Variants in GFRAL observed in about 807,000 individuals in gnomAD.
GFRAL encodes GDNF family receptor alpha like.
GFRAL carries 36 observed loss-of-function variants against 45.4 expected under a neutral mutation model. The ratio of observed to expected loss-of-function variants is 0.79; its 90% confidence interval spans 0.61 to 1.05. The LOEUF (loss-of-function observed/expected upper bound fraction) is 1.05, where lower values mean the gene tolerates loss of function less well. Ranked by LOEUF, GFRAL falls within the 50% of genes least tolerant of loss-of-function variation. The pLI, the probability that GFRAL is intolerant of heterozygous loss-of-function variation, is 0.00. For missense variants in GFRAL, 507 were observed against 467.5 expected (o/e 1.08, Z -0.78); for synonymous variants, 166 against 154.1 (o/e 1.08, Z -0.57).
At chr6:55,367,455 T>C in intron 6 of GFRAL, among the ~76,000 whole-genome samples, 1 of 145,540 alleles carries the variant, frequency 6.9e-6, no homozygotes, top group South Asian at 2.2e-4. Flanking sequence ...AAAGTTAATA[T>C]TGTTATGTGT....
chr6:55,358,553 G>A lies in GFRAL; in HGVS notation c.702-335G>A, dbSNP rs540844235. ...AAAGGCTAGCCACAAAACTATATTT[G>A]GAATAAAAAATTGCCAATAAATCTC... On this transcript the variant is annotated intron_variant, in intron 5 of 8. Coordinates refer to ENST00000340465, the MANE Select transcript of GFRAL (RefSeq NM_207410.2). 1.9e-3 allele frequency among the ~76,000 whole-genome samples: 294 copies of A among 151,824 alleles called. 1 individual carries two copies. Among genetic ancestry groups the A allele is most frequent in the African/African-American group, 6.3e-3 (263 of 41,466 alleles).
intron 6 of GFRAL, among the ~76,000 whole-genome samples, chr6:55,384,863 C>A (rs375308821): frequency 1.0e-3 from 147 of 140,372 alleles, no homozygotes; most frequent in South Asian, 1.4e-3. Flanking sequence ...CAAAAAGCAG[C>A]AAAAAAAAAA....
At chr6:55,395,162 G>GA (rs869161118) in intron 6 of GFRAL, among the ~76,000 whole-genome samples, 3,860 of 125,104 alleles carry the variant, frequency 0.031, 166 homozygotes, top group African/African-American at 0.084. Context: ...TCAGCCTATG[G>GA]AAAAAAAAAA....
At chr6:55,339,391 C>T (rs1022541302) in intron 3 of GFRAL, among the ~76,000 whole-genome samples, 18 of 152,132 alleles carry the variant, frequency 1.2e-4, no homozygotes, top group African/African-American at 4.1e-4. Context: ...GAGCATGCCT[C>T]ATCAAGCTGG....
intron 6 of GFRAL, among the ~76,000 whole-genome samples, chr6:55,362,396 A>G (rs1417548692): frequency 6.6e-6 from 1 of 152,040 alleles, no homozygotes. Flanking sequence ...AGCTTGGAAA[A>G]TGCACTGAAG....
intron 6 of GFRAL, among the ~76,000 whole-genome samples, chr6:55,383,533 G>C (rs1309994123): frequency 6.6e-6 from 1 of 151,946 alleles, no homozygotes; most frequent in Non-Finnish European, 1.5e-5. Flanking sequence ...TCAGTAACAT[G>C]CTGTACGGGT....
chr6:55,371,903 A>G (rs1481539829), intron 6 of GFRAL, among the ~76,000 whole-genome samples: 1 of 152,150 alleles, frequency 6.6e-6, no homozygotes, highest in East Asian at 1.9e-4. Flanking sequence ...TTCCCCTTTC[A>G]CAGACAAATT....
At chr6:55,354,463 A>G (rs977989039) in intron 5 of GFRAL, among the ~76,000 whole-genome samples, 1 of 151,960 alleles carries the variant, frequency 6.6e-6, no homozygotes, top group Non-Finnish European at 1.5e-5. Flanking sequence ...ATTTCTTCTC[A>G]TGTAATTTAT....
At chr6:55,394,852 A>G (rs921526509) in intron 6 of GFRAL, among the ~76,000 whole-genome samples, 77 of 152,102 alleles carry the variant, frequency 5.1e-4, no homozygotes, top group African/African-American at 1.8e-3. Flanking sequence ...TCCACTGTCT[A>G]TTAATAGTAA....
intron 3 of GFRAL, among the ~76,000 whole-genome samples, chr6:55,339,331 AT>A (rs1315150860): frequency 2.0e-5 from 3 of 152,012 alleles, no homozygotes; most frequent in African/African-American, 2.4e-5. Flanking sequence ...GAATGTTGGT[AT>A]TTTTTTTCTA....
intron 3 of GFRAL, among the ~76,000 whole-genome samples, chr6:55,346,628 G>A (rs1298942996): frequency 8.6e-5 from 13 of 151,804 alleles, no homozygotes; most frequent in African/African-American, 1.7e-4. Flanking sequence ...CCAACATGGC[G>A]CATGTATACA....
intron 3 of GFRAL, among the ~76,000 whole-genome samples, chr6:55,334,207 A>G (rs116545843): frequency 0.013 from 1,987 of 152,250 alleles, 23 homozygotes; most frequent in Non-Finnish European, 0.022. Context: ...TTCTTTCATT[A>G]CTAACCACAA....
intron 6 of GFRAL, among the ~76,000 whole-genome samples, chr6:55,395,596 G>T (rs1215451895): frequency 1.3e-5 from 2 of 151,428 alleles, no homozygotes; most frequent in Non-Finnish European, 2.9e-5. Context: ...TTATAAATTT[G>T]CAGTTTGTGA....
At chr6:55,370,309 T>G (rs1266392137) in intron 6 of GFRAL, among the ~76,000 whole-genome samples, 1 of 152,136 alleles carries the variant, frequency 6.6e-6, no homozygotes, top group Non-Finnish European at 1.5e-5. Context: ...TTGCTTCCCT[T>G]TCTAATTTTG....
chr6:55,379,730 G>C (rs1768581970), intron 6 of GFRAL, among the ~76,000 whole-genome samples: 1 of 151,776 alleles, frequency 6.6e-6, no homozygotes, highest in Non-Finnish European at 1.5e-5. Flanking sequence ...ATTAACTATA[G>C]TCACCATGTT....
intron 3 of GFRAL, 32 bp downstream of exon 3, chr6:55,333,976 C>A: frequency 3.7e-6 from 5 of 1,336,590 alleles, no homozygotes; most frequent in East Asian, 2.5e-5. Context: ...TGTTTATAGT[C>A]ATGAAAAAGA....
intron 3 of GFRAL, among the ~76,000 whole-genome samples, chr6:55,342,319 A>T (rs557882220): frequency 6.6e-6 from 1 of 152,176 alleles, no homozygotes; most frequent in Non-Finnish European, 1.5e-5. Context: ...GACTAACAGC[A>T]GATCTCTCGG....
At chr6:55,371,748 G>A (rs1304371506) in intron 6 of GFRAL, among the ~76,000 whole-genome samples, 1 of 152,142 alleles carries the variant, frequency 6.6e-6, no homozygotes, top group African/African-American at 2.4e-5. Context: ...TTGTGGTAGA[G>A]TGATTTGTCA....
At chr6:55,349,829 C>T (rs1235289557) in intron 3 of GFRAL, among the ~76,000 whole-genome samples, 1 of 150,674 alleles carries the variant, frequency 6.6e-6, no homozygotes, top group Non-Finnish European at 1.5e-5. Context: ...AGTCTAATCA[C>T]TAGCATTTAT....
Sources: allele counts gnomAD v4.1 joint callset (sites outside exome capture counted in the v4.1 genomes callset), GRCh38; gene constraint gnomAD v4.1.1; transcripts MANE v1.5; gene names NCBI Gene and HGNC (gene_info 2026-07-23, HGNC 2026-07-21).